The following LRMDA variants were observed in gnomAD, a reference collection of about 807,000 sequenced individuals.
LRMDA encodes the protein leucine rich melanocyte differentiation associated.
Under a neutral mutation model 29.8 loss-of-function variants are expected in LRMDA, and 18 were observed. The observed-to-expected ratio is 0.60, with a 90% CI of 0.42 to 0.90. LRMDA has a LOEUF of 0.90. LRMDA is among the 40% of genes least tolerant of loss of function. LRMDA has a pLI of 0.00. For synonymous variants in LRMDA, 125 were observed against 109.4 expected (o/e 1.14, Z -0.89); for missense variants, 273 against 273.9 (o/e 1.00, Z 0.02).
At position 75,633,570 on chromosome 10, in the gene LRMDA, T is replaced by G. The variant is rs1841354305; in HGVS notation, c.131+195076T>G. On this transcript the variant is annotated intron_variant, in intron 2 of 6. Coordinates refer to ENST00000611255, the MANE Select transcript of LRMDA (RefSeq NM_001305581.2). Reference sequence around the variant, plus strand: ...CTTAAGCCAGGTCCATCTTTTTAATTTAATGTCCTTCCAGCCCCAGCCCCG... The same window carrying G: ...CTTAAGCCAGGTCCATCTTTTTAATGTAATGTCCTTCCAGCCCCAGCCCCG... Among the ~76,000 whole-genome samples, 3 of 152,358 alleles carry G rather than the reference T, an allele frequency of 2.0e-5. No homozygotes were observed. The South Asian group carries it at 6.2e-4, about 32-fold the overall frequency.
At chr10:75,896,745 C>T (rs993090729) in intron 2 of LRMDA, among the ~76,000 whole-genome samples, 7 of 151,984 alleles carry the variant, frequency 4.6e-5, no homozygotes, top group South Asian at 2.1e-4. Context: ...AATATTTATC[C>T]GCCCCACTTC....
intron 2 of LRMDA, among the ~76,000 whole-genome samples, chr10:75,509,777 A>G (rs896188069): frequency 1.3e-5 from 2 of 152,210 alleles, no homozygotes; most frequent in African/African-American, 4.8e-5. Flanking sequence ...TATCTGCAAA[A>G]TAAGGGATCT....
chr10:76,553,242 A>G (rs888252912), intron 6 of LRMDA, among the ~76,000 whole-genome samples: 1 of 152,204 alleles, frequency 6.6e-6, no homozygotes, highest in African/African-American at 2.4e-5. Flanking sequence ...TTTACTTACT[A>G]TGGCCAAAGC....
At chr10:76,234,686 T>A (rs748313737) in intron 5 of LRMDA, among the ~76,000 whole-genome samples, 6 of 152,334 alleles carry the variant, frequency 3.9e-5, no homozygotes, top group Middle Eastern at 6.8e-3. Context: ...TGCTTCACCT[T>A]GCCCTTTTAT....
intron 5 of LRMDA, among the ~76,000 whole-genome samples, chr10:76,139,939 G>C (rs1850168307): frequency 1.3e-5 from 2 of 152,082 alleles, no homozygotes; most frequent in African/African-American, 4.8e-5. Context: ...TCTGGGGATG[G>C]AGGTGCCTTC....
At chr10:75,585,322 G>T (rs1840643708) in intron 2 of LRMDA, among the ~76,000 whole-genome samples, 1 of 152,194 alleles carries the variant, frequency 6.6e-6, no homozygotes, top group Admixed American at 6.5e-5. Context: ...TGTTAATGTA[G>T]CAATGGTTTG....
At chr10:76,104,208 G>T (rs1020501390) in intron 5 of LRMDA, among the ~76,000 whole-genome samples, 3 of 152,162 alleles carry the variant, frequency 2.0e-5, no homozygotes, top group Non-Finnish European at 4.4e-5. Context: ...AAGCAGGGAA[G>T]GACCATGGCT....
Position 76,048,047 on chromosome 10 carries a change from G to T in LRMDA, c.398+744G>T, listed in dbSNP as rs867799238. Reference sequence around the variant, plus strand: ...TTTCCTTCTTCATTTAAAATTGTCTGTGTTCTCATTGTTGATTGTTGTTTT... The same window carrying T: ...TTTCCTTCTTCATTTAAAATTGTCTTTGTTCTCATTGTTGATTGTTGTTTT... On this transcript the variant is annotated intron_variant, in intron 4 of 6. Coordinates refer to ENST00000611255, the MANE Select transcript of LRMDA (RefSeq NM_001305581.2). Among the ~76,000 whole-genome samples, 50 of 152,228 alleles carry T rather than the reference G, an allele frequency of 3.3e-4. 1 individual carries two copies. Among genetic ancestry groups the T allele is most frequent in the African/African-American group, 1.0e-3 (42 of 41,522 alleles).
At chr10:75,619,942 A>G (rs1250987877) in intron 2 of LRMDA, among the ~76,000 whole-genome samples, 2 of 152,242 alleles carry the variant, frequency 1.3e-5, no homozygotes, top group African/African-American at 2.4e-5. Context: ...ATGATGCTCA[A>G]TTTCTTATCT....
intron 2 of LRMDA, among the ~76,000 whole-genome samples, chr10:75,924,763 C>T (rs1303504932): frequency 3.3e-5 from 5 of 151,318 alleles, no homozygotes; most frequent in Admixed American, 2.6e-4. Flanking sequence ...CAGAGAGCAG[C>T]GCGGAGAGCA....
chr10:76,455,255 A>C (rs1305197544), intron 6 of LRMDA, among the ~76,000 whole-genome samples: 1 of 152,220 alleles, frequency 6.6e-6, no homozygotes, highest in Non-Finnish European at 1.5e-5. Context: ...CTCGTCACCC[A>C]ACGCCCAAAT....
At chr10:76,463,104 G>T (rs1223780389) in intron 6 of LRMDA, among the ~76,000 whole-genome samples, 1 of 152,134 alleles carries the variant, frequency 6.6e-6, no homozygotes, top group Non-Finnish European at 1.5e-5. Context: ...GGAGGCTCAG[G>T]GATGGGTAGT....
chr10:76,440,473 C>T (rs369735484), intron 6 of LRMDA, among the ~76,000 whole-genome samples: 8 of 152,140 alleles, frequency 5.3e-5, no homozygotes, highest in East Asian at 1.9e-4. Context: ...CTTTTAGTTT[C>T]GCTGAGTTCA....
intron 5 of LRMDA, among the ~76,000 whole-genome samples, chr10:76,185,211 C>T (rs1237015657): frequency 6.6e-6 from 1 of 152,148 alleles, no homozygotes; most frequent in Non-Finnish European, 1.5e-5. Context: ...TTCTGTGCAT[C>T]CAAATTCCAG....
chr10:75,711,894 CCTAT>C lies in LRMDA; in HGVS notation c.131+273403_131+273406del, dbSNP rs533641848. On this transcript the variant is annotated intron_variant, in intron 2 of 6. Coordinates refer to ENST00000611255, the MANE Select transcript of LRMDA (RefSeq NM_001305581.2). Reference sequence around the variant, plus strand: ...TGATCATGTAGTATGTTTCTCCCAGCCTATCTGTTTGATTTTGAAGGTAAAACAC... The same window carrying C: ...TGATCATGTAGTATGTTTCTCCCAGCCTGTTTGATTTTGAAGGTAAAACAC... Among the ~76,000 whole-genome samples the C allele has an allele frequency of 2.5e-3, 378 of 151,996 alleles. 2 individuals carry two copies. The highest frequency in any genetic ancestry group is 8.6e-3 in the African/African-American group (357 of 41,400).
chr10:75,847,571 T>C (rs1287184652), intron 2 of LRMDA, among the ~76,000 whole-genome samples: 4 of 152,106 alleles, frequency 2.6e-5, no homozygotes, highest in African/African-American at 9.7e-5. Flanking sequence ...TGGCAGCCTA[T>C]GTGATGGGAG....
At chr10:76,478,022 C>T (rs1237760543) in intron 6 of LRMDA, among the ~76,000 whole-genome samples, 1 of 152,084 alleles carries the variant, frequency 6.6e-6, no homozygotes, top group Non-Finnish European at 1.5e-5. Flanking sequence ...ACACCAAAAG[C>T]AATGGCAACA....
chr10:76,508,174 A>T (rs990938672), intron 6 of LRMDA, among the ~76,000 whole-genome samples: 5 of 152,168 alleles, frequency 3.3e-5, no homozygotes, highest in Non-Finnish European at 7.4e-5. Flanking sequence ...ACCAGCTTTG[A>T]TCACTTGGTT....
intron 6 of LRMDA, among the ~76,000 whole-genome samples, chr10:76,506,156 T>C (rs768826180): frequency 6.6e-6 from 1 of 152,168 alleles, no homozygotes; most frequent in Non-Finnish European, 1.5e-5. Flanking sequence ...CAAAATATGT[T>C]AGCTTACCCA....
Sources: gnomAD v4.1 joint callset for allele counts (sites outside exome capture counted in the v4.1 genomes callset) on GRCh38, gnomAD v4.1.1 for gene constraint, MANE v1.5 for transcripts, NCBI Gene and HGNC (gene_info 2026-07-23, HGNC 2026-07-21) for gene names.